KITLG: variants seen among roughly 807,000 people sequenced by gnomAD.
KITLG encodes c-Kit ligand.
Under a neutral mutation model 34.1 loss-of-function variants are expected in KITLG, and 13 were observed. The observed-to-expected ratio is 0.38, with a 90% CI of 0.25 to 0.61. The LOEUF (loss-of-function observed/expected upper bound fraction) is 0.61, where lower values mean the gene tolerates loss of function less well. Ranked by LOEUF, KITLG falls within the 20% of genes least tolerant of loss-of-function variation. The pLI, the probability that KITLG is intolerant of heterozygous loss-of-function variation, is 0.60. For missense variants in KITLG, 292 were observed against 318.9 expected, an observed-to-expected ratio of 0.92 and a Z score of 0.64; for synonymous variants, 110 against 104.0, an observed-to-expected ratio of 1.06 and a Z score of -0.35.
intron 2 of KITLG, among the ~76,000 whole-genome samples, chr12:88,537,635 A>T (rs932045376): frequency 4.6e-5 from 7 of 152,132 alleles, no homozygotes; most frequent in African/African-American, 1.7e-4. Flanking sequence ...AATAGTTGAA[A>T]GTATATTAAA....
intron 1 of KITLG, among the ~76,000 whole-genome samples, chr12:88,570,983 A>G (rs1871631509): frequency 1.3e-5 from 2 of 152,220 alleles, no homozygotes; most frequent in African/African-American, 4.8e-5. Context: ...AGGGGAGAAA[A>G]GTAAAGAAGA....
intron 3 of KITLG, among the ~76,000 whole-genome samples, chr12:88,522,106 G>A (rs1470522230): frequency 6.6e-6 from 1 of 151,996 alleles, no homozygotes; most frequent in Non-Finnish European, 1.5e-5. Flanking sequence ...AAAATTAAAA[G>A]TATTCTAAAC....
chr12:88,544,847 TA>T (rs1015148054), intron 2 of KITLG, among the ~76,000 whole-genome samples: 1 of 152,114 alleles, frequency 6.6e-6, no homozygotes, highest in African/African-American at 2.4e-5. Context: ...GGAAGATAAA[TA>T]GAGCCCCTTC....
intron 1 of KITLG, among the ~76,000 whole-genome samples, chr12:88,556,949 A>C (rs1871116796): frequency 6.6e-6 from 1 of 152,232 alleles, no homozygotes; most frequent in African/African-American, 2.4e-5. Flanking sequence ...GGCAGTTGCC[A>C]TTGAGTTGAT....
Position 88,541,181 on chromosome 12 carries a change from C to T in KITLG, c.129+4571G>A, listed in dbSNP as rs559743229. 4.6e-5 allele frequency among the ~76,000 whole-genome samples: 7 copies of T among 152,166 alleles called. No individual in the cohort carries two copies. The East Asian group carries it at 9.6e-4, about 21-fold the overall frequency. ...AGGATATTTTTATAATCTCTCATTA[C>T]GATAATCTCCATGAATCATGTATAA... On this transcript the variant is annotated intron_variant, in intron 2 of 9. Coordinates refer to ENST00000644744, the MANE Select transcript of KITLG (RefSeq NM_000899.5).
rs189887072 is a variant in KITLG, at chr12:88,498,855, C to A, written c.*38-1674G>T. Among the ~76,000 whole-genome samples, 1,506 of 152,174 alleles carry A rather than the reference C, an allele frequency of 9.9e-3. 22 individuals carry two copies. The highest frequency in any genetic ancestry group is 0.037 in the South Asian group (176 of 4,820). ...CGCCACTGCACTCCAGCCTGGGCTACAGAGCAAGACTCTTAAGAAAGAAAG... is the reference window on the plus strand; with the variant it reads ...CGCCACTGCACTCCAGCCTGGGCTAAAGAGCAAGACTCTTAAGAAAGAAAG... On this transcript the variant is annotated intron_variant, in intron 9 of 9. Transcript: ENST00000644744.
intron 1 of KITLG, among the ~76,000 whole-genome samples, chr12:88,569,953 G>A (rs1227020067): frequency 6.6e-6 from 1 of 152,014 alleles, no homozygotes; most frequent in Non-Finnish European, 1.5e-5. Context: ...AATATAAATG[G>A]CTGGTAGCTT....
rs187226840 is a variant in KITLG at position 88,545,730 on chromosome 12, C to T, written c.129+22G>A. 2.2e-4 allele frequency: 297 copies of T among 1,322,952 alleles called. 1 individual carries two copies. In the East Asian group the frequency reaches 4.1e-3, roughly 18 times the overall value. 82.0% of individuals were successfully genotyped at this position (1,322,952 alleles called of 1,614,324 possible). A position where few individuals can be genotyped will look rare whatever the true frequency, so the allele number is the denominator to read the frequency against. On this transcript the variant is annotated intron_variant, in intron 2 of 9. Coordinates refer to ENST00000644744, the MANE Select transcript of KITLG (RefSeq NM_000899.5). Reference sequence around the variant, plus strand: ...AGCCACAGCTCTTTTTTACACAGCACGGTAAAGCATTCCTTACTTACCAAT... The same window carrying T: ...AGCCACAGCTCTTTTTTACACAGCATGGTAAAGCATTCCTTACTTACCAAT...
intron 3 of KITLG, among the ~76,000 whole-genome samples, chr12:88,519,253 G>A (rs968464677): frequency 6.6e-6 from 1 of 152,248 alleles, no homozygotes; most frequent in East Asian, 1.9e-4. Flanking sequence ...AGTGTGACAG[G>A]AGGAGGAGGG....
chr12:88,505,779 A>G (rs373640289), intron 8 of KITLG, among the ~76,000 whole-genome samples: 2 of 152,336 alleles, frequency 1.3e-5, no homozygotes, highest in South Asian at 2.1e-4. Context: ...CGTATTTTGA[A>G]TAAGAAGTCA....
intron 1 of KITLG, among the ~76,000 whole-genome samples, chr12:88,554,989 C>T (rs952507684): frequency 3.9e-5 from 6 of 152,138 alleles, no homozygotes; most frequent in Admixed American, 2.0e-4. Flanking sequence ...AGATACTCTT[C>T]TAACTTCCCT....
intron 3 of KITLG, among the ~76,000 whole-genome samples, chr12:88,524,133 C>T (rs1055131645): frequency 2.0e-5 from 3 of 152,170 alleles, no homozygotes; most frequent in African/African-American, 7.2e-5. Flanking sequence ...GCTTCAGTTT[C>T]TCCATCTATA....
intron 1 of KITLG, among the ~76,000 whole-genome samples, chr12:88,570,533 A>G (rs538290176): frequency 0.019 from 1,059 of 56,496 alleles, 11 homozygotes; most frequent in African/African-American, 0.028. Flanking sequence ...AACAACAACA[A>G]CAACAAAAAA....
Position 88,545,730 on chromosome 12 carries a change from C to G in KITLG, c.129+22G>C, listed in dbSNP as rs187226840. ...AGCCACAGCTCTTTTTTACACAGCA[C>G]GGTAAAGCATTCCTTACTTACCAAT... On this transcript the variant is annotated intron_variant, in intron 2 of 9. Coordinates refer to ENST00000644744, the MANE Select transcript of KITLG (RefSeq NM_000899.5). The G allele has an allele frequency of 6.8e-6, 9 of 1,322,950 alleles. No individual in the cohort carries two copies. The Admixed American group carries it at 8.5e-5, about 12-fold the overall frequency. The allele number at this position is 1,322,950 out of a possible 1,614,324, so 82.0% of individuals were successfully genotyped here.
intron 3 of KITLG, among the ~76,000 whole-genome samples, chr12:88,529,864 C>T (rs1870018568): frequency 6.6e-6 from 1 of 152,124 alleles, no homozygotes; most frequent in Admixed American, 6.6e-5. Context: ...TTTTTCTTGC[C>T]CATGGTGGTG....
chr12:88,519,985 T>G (rs1299831182), intron 3 of KITLG, among the ~76,000 whole-genome samples: 1 of 152,122 alleles, frequency 6.6e-6, no homozygotes, highest in Non-Finnish European at 1.5e-5. Flanking sequence ...AACAGAACTG[T>G]TTTACTTAAT....
chr12:88,559,982 G>T (rs1019112734), intron 1 of KITLG, among the ~76,000 whole-genome samples: 8 of 152,226 alleles, frequency 5.3e-5, no homozygotes, highest in Admixed American at 1.3e-4. Context: ...CACTGTTTAT[G>T]AAGATGATGA....
chr12:88,565,358 G>A (rs868041102), intron 1 of KITLG, among the ~76,000 whole-genome samples: 10 of 152,304 alleles, frequency 6.6e-5, no homozygotes, highest in Middle Eastern at 3.4e-3. Context: ...TGGGCACGGT[G>A]GCTCAGGCCT....
intron 1 of KITLG, among the ~76,000 whole-genome samples, chr12:88,560,229 G>T (rs1871252549): frequency 6.6e-6 from 1 of 152,052 alleles, no homozygotes. Flanking sequence ...TTATTATTTT[G>T]TTAATTACAG....
Sources: gnomAD v4.1 joint callset for allele counts (sites outside exome capture counted in the v4.1 genomes callset) on GRCh38, gnomAD v4.1.1 for gene constraint, MANE v1.5 for transcripts, NCBI Gene and HGNC (gene_info 2026-07-23, HGNC 2026-07-21) for gene names.